Variants in ATM observed in about 807,000 individuals in gnomAD.
The protein encoded by ATM is serine-protein kinase ATM.
In ATM, 308 loss-of-function variants were observed where a neutral mutation model predicts 387.0. The observed-to-expected ratio is 0.80, with a 90% CI of 0.73 to 0.87. The LOEUF is 0.87. ATM is among the 40% of genes least tolerant of loss of function. The pLI, the probability that ATM is intolerant of heterozygous loss-of-function variation, is 0.00. For synonymous variants in ATM, 1,156 were observed against 1,187.3 expected (o/e 0.97, Z 0.54); for missense variants, 3,312 against 3,560.9 (o/e 0.93, Z 1.78).
In ATM at chr11:108,287,735, A is replaced by G. The variant is rs1351625219; in HGVS notation, c.4109+20A>G. On this transcript the variant is annotated intron_variant, in intron 27 of 62. Transcript: ENST00000675843. ...TTCAGGGTATGTACATTTTAAACTT[A>G]GAGAACTAGCTCTAACTTCACAAGT... 2.0e-6 allele frequency: 3 copies of G among 1,537,380 alleles called. No homozygotes were observed. Among genetic ancestry groups the G allele is most frequent in the East Asian group, 2.3e-5 (1 of 44,444 alleles).
rs183532834 is a variant in ATM at position 108,282,827 on chromosome 11, T to C, written c.3694T>C (p.Ser1232Pro). 10 of 1,546,278 alleles carry C rather than the reference T, an allele frequency of 6.5e-6. No homozygotes were observed. The Admixed American group carries it at 6.8e-5, about 10-fold the overall frequency. The change falls in exon 25 of 63, where the codon TCT (serine) becomes CCT (proline). Residue 1232 changes from serine (S) to proline (P), a missense_variant. Ser to Pro is a moderately conservative substitution (Grantham distance 74). Coordinates refer to ENST00000675843, the MANE Select transcript of ATM (RefSeq NM_000051.4). ...LNLQDTEYNL[S>P]SFPFILLNYT... ...TCTTCAAGATACTGAATACAACTTA[T>C]CTTCTTTTCCTTTTATTTTATTAAA...
chr11:108,319,389 A>T (rs912345303), intron 43 of ATM, among the ~76,000 whole-genome samples: 1 of 152,128 alleles, frequency 6.6e-6, no homozygotes, highest in Non-Finnish European at 1.5e-5. Flanking sequence ...AGCTGTTTCT[A>T]TCCAAGGGCC....
At chr11:108,307,796 A>G in intron 37 of ATM, 101 bp from the exon 38 acceptor site, 1 of 1,088,294 alleles carries the variant, frequency 9.2e-7, no homozygotes, top group Non-Finnish European at 1.4e-6. Flanking sequence ...ACTGCCCACC[A>G]GAACCTTATA....
intron 44 of ATM, 104 bp from the exon 45 acceptor site, chr11:108,321,197 G>C (rs2136235934): frequency 1.4e-6 from 2 of 1,453,850 alleles, no homozygotes; most frequent in Non-Finnish European, 1.9e-6. Context: ...TATTAGATCA[G>C]TAGCAAAGCC....
chr11:108,299,595 C>A, intron 33 of ATM, 119 bp from the exon 34 acceptor site: 1 of 1,061,272 alleles, frequency 9.4e-7, no homozygotes, highest in Admixed American at 1.8e-5. Flanking sequence ...CCGCACTCGG[C>A]CTTAAGGTTA....
intron 17 of ATM, among the ~76,000 whole-genome samples, chr11:108,267,813 A>G (rs1057400557): frequency 6.6e-6 from 1 of 152,350 alleles, no homozygotes; most frequent in African/African-American, 2.4e-5. Flanking sequence ...AGCCGAGATC[A>G]TGCCACTGCA....
At chr11:108,236,845 C>T (rs964317168) in intron 5 of ATM, among the ~76,000 whole-genome samples, 3 of 152,084 alleles carry the variant, frequency 2.0e-5, no homozygotes, top group Non-Finnish European at 4.4e-5. Context: ...TGAAATACTT[C>T]AGTTTGTTGG....
chr11:108,317,554 CCTCT>C (rs755658856), intron 43 of ATM, 33 bp downstream of exon 43: 11 of 1,507,520 alleles, frequency 7.3e-6, no homozygotes, highest in Non-Finnish European at 8.1e-6. Context: ...TTTTTTTTTG[CCTCT>C]CTCCTCATTC....
intron 29 of ATM, 22 bp from the exon 30 acceptor site, chr11:108,292,597 T>G (rs537265031): frequency 6.2e-6 from 10 of 1,607,850 alleles, no homozygotes; most frequent in Non-Finnish European, 8.5e-6. Context: ...GTTGTTGTTG[T>G]TTTTTTTTCT....
At chr11:108,340,738 C>T (rs2087453139) in intron 56 of ATM, among the ~76,000 whole-genome samples, 1 of 152,112 alleles carries the variant, frequency 6.6e-6, no homozygotes, top group South Asian at 2.1e-4. Context: ...GTTTCCAGAG[C>T]CCCCTGTGGA....
intron 22 of ATM, among the ~76,000 whole-genome samples, chr11:108,277,153 G>A (rs2081988898): frequency 6.6e-6 from 1 of 152,142 alleles, no homozygotes; most frequent in Non-Finnish European, 1.5e-5. Flanking sequence ...CCTACTGGCT[G>A]TGTTTATACT....
chr11:108,326,231 T>G lies in ATM; in HGVS notation c.6975+6T>G, dbSNP rs1169579742. The G allele has an allele frequency of 1.2e-6, 2 of 1,612,924 alleles. No homozygotes were observed. Among genetic ancestry groups the G allele is most frequent in the African/African-American group, 1.3e-5 (1 of 74,824 alleles). The stretch of plus-strand genomic sequence containing the variant: ...TGGATGCCAGCTGTGCAGCGGTTTG[T>G]TTTTTTTATTGGCTGGATTAGTGTT... On this transcript the variant is annotated splice_donor_region_variant and intron_variant, in intron 47 of 62. Transcript: ENST00000675843.
At chr11:108,294,093 T>C (rs2082989559) in intron 31 of ATM, among the ~76,000 whole-genome samples, 2 of 151,680 alleles carry the variant, frequency 1.3e-5, no homozygotes, top group African/African-American at 4.8e-5. Context: ...GTAAAATAGT[T>C]TTGATTTTAA....
chr11:108,343,337 ATTTCAGTGCC>A lies in ATM; in HGVS notation c.8395_8404del (p.Phe2799LysfsTer4), dbSNP rs786202800. ...GCTCATAAAAGATACAGGCCAAATG[ATTTCAGTGCC>A]TTTCAGTGCCAAAAGAAAATGATGG... On this transcript the variant is annotated frameshift_variant, in exon 57 of 63. Coordinates refer to ENST00000675843, the MANE Select transcript of ATM (RefSeq NM_000051.4). LOFTEE classifies it high-confidence loss of function. 20 of 1,613,922 alleles carry A rather than the reference ATTTCAGTGCC, an allele frequency of 1.2e-5. No individual in the cohort carries two copies. Among genetic ancestry groups the A allele is most frequent in the South Asian group, 2.2e-5 (2 of 91,084 alleles).
At chr11:108,317,570 AAAC>A (rs763713608) in intron 43 of ATM, 49 bp downstream of exon 43, 6 of 1,522,808 alleles carry the variant, frequency 3.9e-6, no homozygotes, top group South Asian at 1.1e-5. Context: ...TCCTCATTCT[AAAC>A]AACAACTGTT....
intron 26 of ATM, chr11:108,287,346 C>G (rs2082542686): frequency 3.6e-6 from 1 of 279,632 alleles, no homozygotes; most frequent in South Asian, 7.7e-5. Flanking sequence ...AAATGATTCT[C>G]TAAAATTGAA....
Position 108,366,029 on chromosome 11 carries a change from CAAAA to C in ATM, c.*537_*540del, listed in dbSNP as rs369583811. The C allele has an allele frequency of 3.9e-4, 39 of 100,414 alleles. No homozygotes were observed. The highest frequency in any genetic ancestry group is 8.2e-3 in the Middle Eastern group (2 of 244). The allele number at this position is 100,414 out of a possible 1,614,324, so 6.2% of individuals were successfully genotyped here. A position where few individuals can be genotyped will look rare whatever the true frequency, so the allele number is the denominator to read the frequency against. Reference sequence around the variant, plus strand: ...GGGTGACAAGAGCGAAACTCCATCTCAAAAAAAAAAAAAAAAAAACAGAAACGTA... The same window carrying C: ...GGGTGACAAGAGCGAAACTCCATCTCAAAAAAAAAAAAAAACAGAAACGTA... On this transcript the variant is annotated 3_prime_UTR_variant, in exon 63 of 63. Transcript: ENST00000675843.
rs758609900 is a variant in ATM, at chr11:108,343,231, C to G, written c.8278C>G (p.Leu2760Val). The change falls in exon 57 of 63, where the codon CTC becomes GTC. Residue 2760 changes from leucine to valine, a missense_variant. This residue lies in a region of ATM where 1,405 missense variants were observed against 1,604.4 expected (regional missense o/e 0.88). Transcript: ENST00000675843. The part of the protein sequence containing the change: ...LTICTYKVVP[L>V]SQRSGVLEWC... ...TAATCTGTAACTCCAGGTGGTTCCCCTCTCTCAGCGAAGTGGTGTTCTTGA... is the reference window on the plus strand; with the variant it reads ...TAATCTGTAACTCCAGGTGGTTCCCGTCTCTCAGCGAAGTGGTGTTCTTGA... 28 of 1,613,800 alleles carry G rather than the reference C, an allele frequency of 1.7e-5. No individual in the cohort carries two copies. Among genetic ancestry groups the G allele is most frequent in the Non-Finnish European group, 2.2e-5 (26 of 1,179,896 alleles).
rs563140198 is a variant in ATM, at chr11:108,273,331, C to CTTTTTTTTTTTTTTTTTTTTTT, written c.3284+485_3284+506dup. Among the ~76,000 whole-genome samples, 6 of 80,660 alleles carry CTTTTTTTTTTTTTTTTTTTTTT rather than the reference C, an allele frequency of 7.4e-5. 1 individual carries two copies. The highest frequency in any genetic ancestry group is 3.4e-4 in the African/African-American group (6 of 17,518). The allele number at this position is 80,660 out of a possible 152,430, so 52.9% of individuals were successfully genotyped here. A position where few individuals can be genotyped will look rare whatever the true frequency, so the allele number is the denominator to read the frequency against. On this transcript the variant is annotated intron_variant, in intron 22 of 62. Coordinates refer to ENST00000675843, the MANE Select transcript of ATM (RefSeq NM_000051.4). ...GGAATAAACATATATTAATTTCATT[C>CTTTTTTTTTTTTTTTTTTTTTT]TTTTTTTTTTTTTTTTTTTTTTTTT... is the stretch of plus-strand genomic sequence containing the variant.
Sources: gnomAD v4.1 joint callset for allele counts (sites outside exome capture counted in the v4.1 genomes callset) on GRCh38, gnomAD v4.1.1 for gene constraint, gnomAD v4.1.1 regional missense constraint, MANE v1.5 for transcripts, NCBI Gene and HGNC (gene_info 2026-07-23, HGNC 2026-07-21) for gene names.